Variants in MAPRE2 observed in about 807,000 individuals in gnomAD.
The protein encoded by MAPRE2 is microtubule associated protein RP/EB family member 2, also known as microtubule-associated protein RP/EB family member 2.
In MAPRE2, 13 loss-of-function variants were observed where a neutral mutation model predicts 43.2. The ratio of observed to expected loss-of-function variants is 0.30; its 90% CI spans 0.20 to 0.48. The LOEUF is 0.48. MAPRE2 is among the 20% of genes least tolerant of loss of function. The pLI, the probability that MAPRE2 is intolerant of heterozygous loss-of-function variation, is 0.99. For missense variants in MAPRE2, 161 were observed against 400.2 expected (o/e 0.40, Z 5.10); for synonymous variants, 135 against 148.8 (o/e 0.91, Z 0.68).
intron 6 of MAPRE2, 109 bp downstream of exon 6, chr18:35,132,299 C>G: frequency 1.0e-6 from 1 of 991,030 alleles, no homozygotes; most frequent in Non-Finnish European, 1.5e-6. Context: ...ATGAGAATTA[C>G]TGCTCAGCCA....
At chr18:35,094,000 C>A (rs994246493) in intron 2 of MAPRE2, among the ~76,000 whole-genome samples, 1 of 151,958 alleles carries the variant, frequency 6.6e-6, no homozygotes. Context: ...CAAATCATAG[C>A]ATTATTTATA....
chr18:35,125,866 G>T (rs1909882824), intron 4 of MAPRE2, among the ~76,000 whole-genome samples: 1 of 152,152 alleles, frequency 6.6e-6, no homozygotes, highest in African/African-American at 2.4e-5. Context: ...ATGCTAAGTG[G>T]ATCACTTCCT....
rs1280418592 is a variant in MAPRE2, at chr18:35,143,095, A to G, written c.*2726A>G. 6.6e-6 allele frequency: 1 copy of G among 151,384 alleles called. No homozygotes were observed. The highest frequency in any genetic ancestry group is 2.4e-5 in the African/African-American group (1 of 41,304). The allele number at this position is 151,384 out of a possible 1,614,324, so 9.4% of individuals were successfully genotyped here. On this transcript the variant is annotated 3_prime_UTR_variant, in exon 7 of 7. Coordinates refer to ENST00000300249, the MANE Select transcript of MAPRE2 (RefSeq NM_014268.4). ...GGAAAAAAAAAAAAAAAAAAGAAAG[A>G]AAAACACCTGTTGACCTGAGAGAAG...
intron 4 of MAPRE2, among the ~76,000 whole-genome samples, chr18:35,107,370 G>C (rs1908957212): frequency 6.6e-6 from 1 of 152,088 alleles, no homozygotes; most frequent in Non-Finnish European, 1.5e-5. Flanking sequence ...CCTTAATGTT[G>C]GGTTTTCTAA....
chr18:35,008,171 AC>A (rs2097032723), intron 2 of MAPRE2, among the ~76,000 whole-genome samples: 1 of 151,946 alleles, frequency 6.6e-6, no homozygotes, highest in East Asian at 1.9e-4. Flanking sequence ...TGTACTTTAT[AC>A]CTCATGATGT....
chr18:35,097,889 A>T (rs778642768), intron 3 of MAPRE2, among the ~76,000 whole-genome samples: 4 of 152,196 alleles, frequency 2.6e-5, no homozygotes, highest in Non-Finnish European at 4.4e-5. Flanking sequence ...GCCAGATGCC[A>T]CTGTGGTTCT....
chr18:34,988,613 G>A (rs1485519515), intron 1 of MAPRE2: 1 of 152,138 alleles, frequency 6.6e-6, no homozygotes, highest in African/African-American at 2.4e-5. Context: ...GACTATTATA[G>A]GATGTGGTTT....
intron 2 of MAPRE2, among the ~76,000 whole-genome samples, chr18:35,086,406 C>G (rs1427930161): frequency 1.3e-5 from 2 of 151,570 alleles, no homozygotes; most frequent in African/African-American, 4.8e-5. Context: ...TGTATATATA[C>G]TGAAATGGAA....
intron 1 of MAPRE2, among the ~76,000 whole-genome samples, chr18:34,992,278 A>G (rs2097024214): frequency 6.6e-6 from 1 of 152,230 alleles, no homozygotes; most frequent in Non-Finnish European, 1.5e-5. Context: ...GAAAACATGA[A>G]GTAAGACAAA....
chr18:34,985,872 A>G (rs1489918138), intron 1 of MAPRE2, among the ~76,000 whole-genome samples: 1 of 150,434 alleles, frequency 6.6e-6, no homozygotes, highest in Admixed American at 6.7e-5. Flanking sequence ...TATATAGCCT[A>G]TTCTATACAT....
At chr18:35,130,760 C>T (rs906136618) in intron 5 of MAPRE2, among the ~76,000 whole-genome samples, 1 of 152,080 alleles carries the variant, frequency 6.6e-6, no homozygotes, top group Non-Finnish European at 1.5e-5. Context: ...AGACCAGGAA[C>T]GGGGTAATAG....
chr18:35,028,723 C>T (rs2097046454), intron 2 of MAPRE2, among the ~76,000 whole-genome samples: 1 of 152,202 alleles, frequency 6.6e-6, no homozygotes, highest in Non-Finnish European at 1.5e-5. Flanking sequence ...AAATAATGTT[C>T]ACTGTGCATG....
chr18:34,978,370 T>C, intron 1 of MAPRE2: 1 of 769,488 alleles, frequency 1.3e-6, no homozygotes, highest in Non-Finnish European at 2.3e-6. Flanking sequence ...ATTAGCATAG[T>C]ATCGACCCTG....
chr18:34,981,872 TTTTTATTTTTA>T (rs796970297), intron 1 of MAPRE2, among the ~76,000 whole-genome samples: 1 of 41,184 alleles, frequency 2.4e-5, no homozygotes, highest in African/African-American at 5.6e-5. Flanking sequence ...TTATTTTTTT[TTTTTATTTTTA>T]TTTATTTTTT....
chr18:35,066,616 G>T (rs1906850816), intron 1 of MAPRE2, among the ~76,000 whole-genome samples: 1 of 152,334 alleles, frequency 6.6e-6, no homozygotes, highest in East Asian at 1.9e-4. Flanking sequence ...AAGCATACCT[G>T]TAGAAAAAGC....
intron 1 of MAPRE2, among the ~76,000 whole-genome samples, chr18:35,051,851 G>A (rs1905954633): frequency 6.6e-6 from 1 of 152,216 alleles, no homozygotes; most frequent in African/African-American, 2.4e-5. Flanking sequence ...AACATAAGGT[G>A]TGCCAAACGG....
chr18:35,034,966 G>T (rs1162226464), intron 2 of MAPRE2, among the ~76,000 whole-genome samples: 2 of 151,892 alleles, frequency 1.3e-5, no homozygotes, highest in Non-Finnish European at 2.9e-5. Flanking sequence ...ATTCCTCAGG[G>T]ATCTAGAACT....
At chr18:35,132,235 C>G in intron 6 of MAPRE2, 45 bp downstream of exon 6, 1 of 1,594,186 alleles carries the variant, frequency 6.3e-7, no homozygotes, top group Non-Finnish European at 8.6e-7. Context: ...AAATGACTCT[C>G]TTGGTCAAAA....
intron 2 of MAPRE2, among the ~76,000 whole-genome samples, chr18:35,012,868 T>C (rs1169304389): frequency 6.6e-6 from 1 of 152,184 alleles, no homozygotes. Context: ...GTCACCAAAC[T>C]GTACACTTAA....
Sources: gnomAD v4.1 joint callset for allele counts (sites outside exome capture counted in the v4.1 genomes callset) on GRCh38, gnomAD v4.1.1 for gene constraint, MANE v1.5 for transcripts, NCBI Gene and HGNC (gene_info 2026-07-23, HGNC 2026-07-21) for gene names.